The following STXBP5L variants were observed in gnomAD, a reference collection of about 807,000 sequenced individuals.
STXBP5L encodes the protein syntaxin-binding protein 5-like.
STXBP5L carries 65 observed loss-of-function variants against 144.5 expected under a neutral mutation model. The observed-to-expected ratio is 0.45, with a 90% confidence interval of 0.37 to 0.55. The LOEUF is 0.55. Among genes scored for constraint, STXBP5L ranks in the 20% least tolerant of loss-of-function variants. The pLI is 0.00. For synonymous variants in STXBP5L, 505 were observed against 469.6 expected (o/e 1.08, Z -0.97); for missense variants, 1,298 against 1,405.5 (o/e 0.92, Z 1.22).
chr3:121,138,925 T>C (rs2045377242), intron 7 of STXBP5L, among the ~76,000 whole-genome samples: 1 of 151,792 alleles, frequency 6.6e-6, no homozygotes, highest in South Asian at 2.1e-4. Context: ...CACACAAAAA[T>C]GTTCGCATAG....
chr3:121,097,147 C>G (rs1232114056), intron 5 of STXBP5L, among the ~76,000 whole-genome samples: 1 of 152,206 alleles, frequency 6.6e-6, no homozygotes, highest in East Asian at 1.9e-4. Flanking sequence ...AAACTGGCTA[C>G]TCAAGCTGCA....
At chr3:120,980,512 G>A (rs1327497930) in intron 3 of STXBP5L, among the ~76,000 whole-genome samples, 1 of 150,666 alleles carries the variant, frequency 6.6e-6, no homozygotes, top group Non-Finnish European at 1.5e-5. Flanking sequence ...TCTGGTGTAA[G>A]TATAGCTATT....
intron 20 of STXBP5L, among the ~76,000 whole-genome samples, chr3:121,338,795 A>G (rs1447995669): frequency 2.0e-5 from 3 of 152,140 alleles, no homozygotes; most frequent in African/African-American, 4.8e-5. Context: ...TAGAAAATCT[A>G]TAGGGAATTA....
intron 5 of STXBP5L, among the ~76,000 whole-genome samples, chr3:121,052,362 C>G (rs984717380): frequency 1.1e-4 from 17 of 152,264 alleles, no homozygotes; most frequent in African/African-American, 3.4e-4. Flanking sequence ...TACTGGCAAA[C>G]AGAATCCAGC....
intron 7 of STXBP5L, among the ~76,000 whole-genome samples, chr3:121,147,137 A>G (rs916095332): frequency 2.6e-5 from 4 of 152,116 alleles, no homozygotes; most frequent in Non-Finnish European, 4.4e-5. Context: ...TACATTATGT[A>G]TATAGTACTA....
intron 6 of STXBP5L, among the ~76,000 whole-genome samples, chr3:121,115,911 C>T (rs1236949563): frequency 3.3e-5 from 5 of 152,120 alleles, no homozygotes; most frequent in African/African-American, 1.2e-4. Flanking sequence ...CAAGAACTCA[C>T]TTACTATGGC....
At chr3:121,238,111 G>A (rs913434568) in intron 12 of STXBP5L, among the ~76,000 whole-genome samples, 19 of 151,970 alleles carry the variant, frequency 1.3e-4, no homozygotes, top group South Asian at 2.1e-4. Context: ...GCAACACCGC[G>A]CTCCTTAGTA....
At chr3:120,993,006 G>A (rs1943050766) in intron 3 of STXBP5L, among the ~76,000 whole-genome samples, 1 of 152,116 alleles carries the variant, frequency 6.6e-6, no homozygotes, top group South Asian at 2.1e-4. Context: ...ACTGGAGTAA[G>A]ATGATATCTC....
chr3:121,142,008 G>A lies in STXBP5L; in HGVS notation c.670-10469G>A, dbSNP rs551141528. ...AATAAAAAACAAGACCCAACCATATGCTGTCTACAGTAAACTCCCTTTCCA... is the reference window on the plus strand; with the variant it reads ...AATAAAAAACAAGACCCAACCATATACTGTCTACAGTAAACTCCCTTTCCA... On this transcript the variant is annotated intron_variant, in intron 7 of 26. Transcript: ENST00000471454. Among the ~76,000 whole-genome samples, 213 of 152,136 alleles carry A rather than the reference G, an allele frequency of 1.4e-3. 1 individual carries two copies. The highest frequency in any genetic ancestry group is 2.3e-3 in the Admixed American group (35 of 15,268).
chr3:121,031,560 T>G (rs999769918), intron 3 of STXBP5L, among the ~76,000 whole-genome samples: 3 of 152,088 alleles, frequency 2.0e-5, no homozygotes, highest in African/African-American at 7.2e-5. Flanking sequence ...GGAGTCAGAA[T>G]TCTTTCTCAG....
At chr3:121,039,044 G>T (rs569104147) in intron 3 of STXBP5L, among the ~76,000 whole-genome samples, 5 of 151,854 alleles carry the variant, frequency 3.3e-5, no homozygotes, top group Admixed American at 3.3e-4. Flanking sequence ...CTGCATTTTT[G>T]TCTTTTCTCA....
intron 3 of STXBP5L, among the ~76,000 whole-genome samples, chr3:120,976,950 G>C (rs1206317735): frequency 2.6e-5 from 4 of 151,990 alleles, no homozygotes; most frequent in Admixed American, 6.6e-5. Context: ...TTGCTGAGGA[G>C]AGCTTTACTT....
At chr3:120,952,265 A>G (rs1277252582) in intron 2 of STXBP5L, among the ~76,000 whole-genome samples, 1 of 152,100 alleles carries the variant, frequency 6.6e-6, no homozygotes, top group Non-Finnish European at 1.5e-5. Context: ...ATTGATTTTA[A>G]TATCAATTCG....
chr3:121,191,455 G>A (rs1306244918), intron 9 of STXBP5L, among the ~76,000 whole-genome samples: 1 of 152,184 alleles, frequency 6.6e-6, no homozygotes, highest in Non-Finnish European at 1.5e-5. Context: ...AGGAGAATCA[G>A]GCAGGGAGTT....
intron 2 of STXBP5L, among the ~76,000 whole-genome samples, chr3:120,919,951 T>C (rs1335961361): frequency 1.3e-5 from 2 of 151,782 alleles, no homozygotes; most frequent in Non-Finnish European, 3.0e-5. Flanking sequence ...ATTTCTACTA[T>C]TTTTGAATTA....
intron 22 of STXBP5L, among the ~76,000 whole-genome samples, chr3:121,396,651 G>A (rs1229652796): frequency 6.6e-6 from 1 of 152,224 alleles, no homozygotes; most frequent in Non-Finnish European, 1.5e-5. Context: ...GGCATCACTG[G>A]ATAATATTTT....
At chr3:121,299,602 G>A (rs538593188) in intron 19 of STXBP5L, among the ~76,000 whole-genome samples, 1 of 152,114 alleles carries the variant, frequency 6.6e-6, no homozygotes, top group East Asian at 1.9e-4. Context: ...TAAGCTAAAT[G>A]AACATCAGTG....
chr3:121,376,271 G>A (rs962193990), intron 20 of STXBP5L, among the ~76,000 whole-genome samples: 3 of 152,116 alleles, frequency 2.0e-5, no homozygotes, highest in Non-Finnish European at 4.4e-5. Context: ...TTGATTCCAG[G>A]CAGTCTAGCC....
intron 20 of STXBP5L, among the ~76,000 whole-genome samples, chr3:121,332,639 T>TA (rs2044358918): frequency 6.6e-6 from 1 of 151,838 alleles, no homozygotes; most frequent in African/African-American, 2.4e-5. Flanking sequence ...TGACCAAACT[T>TA]AAAAATCACT....
Sources: gnomAD v4.1 joint callset for allele counts (sites outside exome capture counted in the v4.1 genomes callset) on GRCh38, gnomAD v4.1.1 for gene constraint, MANE v1.5 for transcripts, NCBI Gene and HGNC (gene_info 2026-07-23, HGNC 2026-07-21) for gene names.